ACTR3C: variants seen among roughly 807,000 people sequenced by gnomAD.
ACTR3C encodes actin-related protein 3C.
A neutral mutation model predicts 26.3 loss-of-function variants in ACTR3C; 18 were observed. The observed-to-expected ratio is 0.68, with a 90% CI of 0.47 to 1.01. The LOEUF (loss-of-function observed/expected upper bound fraction) is 1.01, where lower values mean the gene tolerates loss of function less well. Among genes scored for constraint, ACTR3C ranks in the 50% least tolerant of loss-of-function variants. The pLI, the probability that ACTR3C is intolerant of heterozygous loss-of-function variation, is 0.00. For missense variants in ACTR3C, 184 were observed against 250.7 expected (o/e 0.73, Z 1.80); for synonymous variants, 55 against 94.5 (o/e 0.58, Z 2.42).
the ACTR3C span, among the ~76,000 whole-genome samples, chr7:150,107,193 C>T: frequency 5.4e-5 from 8 of 147,048 alleles, no homozygotes; most frequent in African/African-American, 1.3e-4. Context: ...TGATACATCA[C>T]GAAGAATACA....
At chr7:149,933,879 G>C in the ACTR3C span, among the ~76,000 whole-genome samples, 1 of 152,266 alleles carries the variant, frequency 6.6e-6, no homozygotes, top group African/African-American at 2.4e-5. Flanking sequence ...CAGGTGTAGA[G>C]TTCCACTCAA....
the ACTR3C span, among the ~76,000 whole-genome samples, chr7:149,955,954 T>C: frequency 1.3e-5 from 2 of 152,224 alleles, no homozygotes; most frequent in Admixed American, 1.3e-4. Context: ...GAAAAGACTT[T>C]GGAGATTACT....
chr7:150,083,828 A>G, the ACTR3C span, among the ~76,000 whole-genome samples: 17 of 152,166 alleles, frequency 1.1e-4, no homozygotes, highest in African/African-American at 4.1e-4. Context: ...ATGGCTCAAA[A>G]TGAAGTGGCC....
chr7:150,103,431 G>A, the ACTR3C span, among the ~76,000 whole-genome samples: 1 of 151,998 alleles, frequency 6.6e-6, no homozygotes, highest in Non-Finnish European at 1.5e-5. Flanking sequence ...GCCAGAAGCA[G>A]CGCTGGTGAG....
the ACTR3C span, among the ~76,000 whole-genome samples, chr7:149,922,969 G>GATTTTT: frequency 4.3e-5 from 1 of 23,104 alleles, no homozygotes; most frequent in Non-Finnish European, 9.7e-5. Flanking sequence ...GAAATAAAAG[G>GATTTTT]CTTTTTTTTT....
the ACTR3C span, among the ~76,000 whole-genome samples, chr7:149,907,474 TCTCTTC>T: frequency 0.011 from 923 of 80,704 alleles, 9 homozygotes; most frequent in East Asian, 0.039. Flanking sequence ...TTGCCTCTCT[TCTCTTC>T]TCTCTCTCTC....
At chr7:150,238,935 T>C (rs1217632750), downstream of ACTR3C, among the ~76,000 whole-genome samples, 2 of 149,858 alleles carry the variant, frequency 1.3e-5, no homozygotes, top group Non-Finnish European at 2.9e-5. Context: ...ATAACATTCA[T>C]ATGACAAAGT....
chr7:149,983,153 A>C, the ACTR3C span, among the ~76,000 whole-genome samples: 1 of 152,052 alleles, frequency 6.6e-6, no homozygotes, highest in Non-Finnish European at 1.5e-5. Context: ...ATAACACCTG[A>C]CATTGTAAAA....
the ACTR3C span, among the ~76,000 whole-genome samples, chr7:149,924,213 TA>T: frequency 6.8e-6 from 1 of 146,240 alleles, no homozygotes; most frequent in Admixed American, 7.1e-5. Context: ...CCGTCTCTAC[TA>T]AATATAAAAA....
chr7:149,892,554 G>A, the ACTR3C span, among the ~76,000 whole-genome samples: 2 of 116,292 alleles, frequency 1.7e-5, no homozygotes, highest in Non-Finnish European at 3.9e-5. Context: ...ATGTCAATGA[G>A]TACATAAAAT....
chr7:150,088,412 T>G, the ACTR3C span, among the ~76,000 whole-genome samples: 5 of 152,226 alleles, frequency 3.3e-5, no homozygotes, highest in African/African-American at 4.8e-5. Flanking sequence ...ATCATTAGTG[T>G]CTTTAAAGAA....
At chr7:149,950,010 CGGGAGCAGGGAGGAAGTGCACCCAG>C in the ACTR3C span, among the ~76,000 whole-genome samples, 16 of 141,570 alleles carry the variant, frequency 1.1e-4, no homozygotes, top group East Asian at 1.4e-3. Flanking sequence ...AGTGCACCCA[CGGGAGCAGGGAGGAAGTGCACCCAG>C]GGGAGCAGGG....
At chr7:150,034,039 G>T in the ACTR3C span, among the ~76,000 whole-genome samples, 4 of 150,664 alleles carry the variant, frequency 2.7e-5, no homozygotes, top group Non-Finnish European at 2.9e-5. Flanking sequence ...GCCAGGGGGG[G>T]AAGAGGGGTT....
At chr7:150,111,539 C>T in the ACTR3C span, among the ~76,000 whole-genome samples, 1 of 86,506 alleles carries the variant, frequency 1.2e-5, no homozygotes, top group Middle Eastern at 4.3e-3. Context: ...CACGCATTCA[C>T]CCACTTTCTC....
chr7:150,306,947 T>C (rs1260231361), intron 1 of ACTR3C, among the ~76,000 whole-genome samples: 1 of 152,178 alleles, frequency 6.6e-6, no homozygotes, highest in Non-Finnish European at 1.5e-5. Flanking sequence ...ATGCCAACAG[T>C]GAAAACTAAA....
chr7:150,240,321 G>A (rs892563875), downstream of ACTR3C, among the ~76,000 whole-genome samples: 17 of 152,188 alleles, frequency 1.1e-4, no homozygotes, highest in South Asian at 4.2e-4. Flanking sequence ...TGGAAACCTC[G>A]TCTTTCTAAT....
the ACTR3C span, among the ~76,000 whole-genome samples, chr7:150,178,795 T>C: frequency 1.3e-5 from 2 of 150,918 alleles, no homozygotes; most frequent in Non-Finnish European, 2.9e-5. Flanking sequence ...AATTGTGGCA[T>C]TGCATAAAGT....
At chr7:150,055,920 T>C in the ACTR3C span, among the ~76,000 whole-genome samples, 2 of 152,270 alleles carry the variant, frequency 1.3e-5, no homozygotes, top group Admixed American at 1.3e-4. Context: ...TCAATAAAGT[T>C]AATAAACATT....
At chr7:149,909,959 A>C in the ACTR3C span, among the ~76,000 whole-genome samples, 1 of 148,316 alleles carries the variant, frequency 6.7e-6, no homozygotes, top group Admixed American at 6.7e-5. Context: ...CTAACATATA[A>C]ATTACATTTA....
Sources: allele counts gnomAD v4.1 joint callset (sites outside exome capture counted in the v4.1 genomes callset), GRCh38; gene constraint gnomAD v4.1.1; transcripts MANE v1.5; gene names NCBI Gene and HGNC (gene_info 2026-07-23, HGNC 2026-07-21).